DGKI: variants seen among roughly 807,000 people sequenced by gnomAD.
DGKI encodes the protein diacylglycerol kinase iota.
A neutral mutation model predicts 147.5 loss-of-function variants in DGKI; 55 were observed. That is an observed-to-expected ratio of 0.37 (90% confidence interval 0.30 to 0.47). The LOEUF (loss-of-function observed/expected upper bound fraction) is 0.47, where lower values mean the gene tolerates loss of function less well. DGKI is among the 20% of genes least tolerant of loss of function. The pLI, the probability that DGKI is intolerant of heterozygous loss-of-function variation, is 1.00. For missense variants in DGKI, 1,007 were observed against 1,323.8 expected (o/e 0.76, Z 3.71); for synonymous variants, 469 against 477.1 (o/e 0.98, Z 0.22).
At chr7:137,411,259 GGGC>G (rs1585087714) in intron 29 of DGKI, among the ~76,000 whole-genome samples, 1 of 152,064 alleles carries the variant, frequency 6.6e-6, no homozygotes, top group Non-Finnish European at 1.5e-5. Flanking sequence ...AGGGGCATAT[GGGC>G]AGTCATCAGC....
At chr7:137,619,716 G>C in intron 8 of DGKI, 108 bp downstream of exon 8, 1 of 790,914 alleles carries the variant, frequency 1.3e-6, no homozygotes, top group Non-Finnish European at 2.1e-6. Context: ...TTGGGGATGA[G>C]TGAACTGAGG....
chr7:137,824,610 G>A (rs1230930668), intron 1 of DGKI, among the ~76,000 whole-genome samples: 4 of 151,884 alleles, frequency 2.6e-5, no homozygotes, highest in African/African-American at 9.7e-5. Context: ...AGGGGTGCAT[G>A]TGCAGGTTTG....
At chr7:137,615,399 G>A (rs994438083) in intron 8 of DGKI, among the ~76,000 whole-genome samples, 4 of 151,986 alleles carry the variant, frequency 2.6e-5, no homozygotes, top group Non-Finnish European at 4.4e-5. Context: ...ACCTCCTACT[G>A]TATACAATAG....
chr7:137,596,568 A>G (rs535257194), intron 12 of DGKI, among the ~76,000 whole-genome samples: 1 of 152,332 alleles, frequency 6.6e-6, no homozygotes, highest in African/African-American at 2.4e-5. Context: ...TGGCCAAATA[A>G]TTTTGAAAAA....
intron 20 of DGKI, among the ~76,000 whole-genome samples, chr7:137,534,951 G>T (rs1253380300): frequency 1.3e-5 from 2 of 152,066 alleles, no homozygotes; most frequent in African/African-American, 4.8e-5. Flanking sequence ...AGGGAATTTG[G>T]ACACAGACAA....
intron 21 of DGKI, chr7:137,513,955 C>T (rs892085744): frequency 7.6e-6 from 6 of 787,652 alleles, no homozygotes; most frequent in Admixed American, 6.1e-5. Flanking sequence ...CTTGTTGCAC[C>T]GTGGAGGCCA....
At chr7:137,666,277 C>T (rs1161563834) in intron 3 of DGKI, among the ~76,000 whole-genome samples, 1 of 152,170 alleles carries the variant, frequency 6.6e-6, no homozygotes, top group Admixed American at 6.5e-5. Flanking sequence ...CTACAGCAAG[C>T]CTGTGGTCCC....
intron 1 of DGKI, among the ~76,000 whole-genome samples, chr7:137,750,068 A>G (rs1795451757): frequency 1.3e-5 from 2 of 152,202 alleles, no homozygotes; most frequent in Admixed American, 6.5e-5. Flanking sequence ...ACCCAGTAAG[A>G]GGCAACTGGA....
chr7:137,517,987 A>G lies in DGKI; in HGVS notation c.2248+3879T>C, dbSNP rs979179582. On this transcript the variant is annotated intron_variant, in intron 21 of 32. Transcript: ENST00000614521. ...TTTTGAAAGTAAGAAAGTGAGTTGG[A>G]GGGTGGTGGTGTGTGCAGTTTGAAG... 3.9e-5 allele frequency among the ~76,000 whole-genome samples: 6 copies of G among 152,236 alleles called. 1 individual carries two copies. In the Middle Eastern group the frequency reaches 0.01, roughly 259 times the overall value.
intron 10 of DGKI, among the ~76,000 whole-genome samples, chr7:137,608,066 A>C (rs1203964643): frequency 2.0e-5 from 3 of 152,320 alleles, no homozygotes; most frequent in Non-Finnish European, 1.5e-5. Context: ...TAGTAATAAG[A>C]ACATCATCTT....
chr7:137,591,032 G>A (rs1391680638), intron 12 of DGKI, among the ~76,000 whole-genome samples: 1 of 152,198 alleles, frequency 6.6e-6, no homozygotes, highest in East Asian at 1.9e-4. Flanking sequence ...CTTCTAGGCT[G>A]TGTTCCTAAT....
At chr7:137,644,333 A>C (rs985186212) in intron 6 of DGKI, among the ~76,000 whole-genome samples, 1 of 152,264 alleles carries the variant, frequency 6.6e-6, no homozygotes, top group African/African-American at 2.4e-5. Context: ...ACTGGAGAAC[A>C]AAATACTGGT....
intron 2 of DGKI, among the ~76,000 whole-genome samples, chr7:137,679,331 T>C (rs1180181145): frequency 1.3e-5 from 2 of 152,034 alleles, no homozygotes; most frequent in Non-Finnish European, 2.9e-5. Context: ...TGCTAGAATG[T>C]ATGACCTGAT....
At chr7:137,548,542 T>C (rs192930078) in intron 20 of DGKI, among the ~76,000 whole-genome samples, 21 of 152,262 alleles carry the variant, frequency 1.4e-4, no homozygotes, top group East Asian at 7.7e-4. Context: ...CCATATGATA[T>C]GCCAGCTCCC....
At chr7:137,800,920 C>T (rs1797185065) in intron 1 of DGKI, among the ~76,000 whole-genome samples, 1 of 152,184 alleles carries the variant, frequency 6.6e-6, no homozygotes, top group African/African-American at 2.4e-5. Context: ...GCTAAATAAT[C>T]CACCATTCTG....
At chr7:137,838,437 G>A (rs544052134) in intron 1 of DGKI, among the ~76,000 whole-genome samples, 11 of 152,144 alleles carry the variant, frequency 7.2e-5, no homozygotes, top group African/African-American at 2.2e-4. Context: ...AACCCTTTCC[G>A]ACCGCTTCCA....
At chr7:137,582,363 C>T (rs976136418) in intron 14 of DGKI, among the ~76,000 whole-genome samples, 2 of 151,532 alleles carry the variant, frequency 1.3e-5, no homozygotes, top group African/African-American at 4.9e-5. Flanking sequence ...ATTCAGCAAA[C>T]CAATACTGTA....
chr7:137,578,569 G>T (rs976959590), intron 15 of DGKI, among the ~76,000 whole-genome samples: 3 of 152,222 alleles, frequency 2.0e-5, no homozygotes, highest in Admixed American at 1.3e-4. Flanking sequence ...CTGAGAGCTT[G>T]TTAGAATTGC....
chr7:137,843,320 C>G (rs1798602331), intron 1 of DGKI: 3 of 571,662 alleles, frequency 5.2e-6, no homozygotes, highest in Non-Finnish European at 4.4e-6. Context: ...GTCATTTACA[C>G]ATATGTATCT....
Sources: gnomAD v4.1 joint callset for allele counts (sites outside exome capture counted in the v4.1 genomes callset) on GRCh38, gnomAD v4.1.1 for gene constraint, MANE v1.5 for transcripts, NCBI Gene and HGNC (gene_info 2026-07-23, HGNC 2026-07-21) for gene names.